Variants in DPP6 observed in about 807,000 individuals in gnomAD.
DPP6 encodes A-type potassium channel modulatory protein DPP6.
A neutral mutation model predicts 122.6 loss-of-function variants in DPP6; 69 were observed. The ratio of observed to expected loss-of-function variants is 0.56; its 90% CI spans 0.46 to 0.69. The LOEUF (loss-of-function observed/expected upper bound fraction) is 0.69. DPP6 is among the 30% of genes least tolerant of loss of function. The pLI is 0.00. For synonymous variants in DPP6, 418 were observed against 433.1 expected (o/e 0.97, Z 0.43); for missense variants, 928 against 1,116.9 (o/e 0.83, Z 2.41).
At chr7:154,354,397 T>C (rs912744609) in intron 1 of DPP6, among the ~76,000 whole-genome samples, 4 of 151,532 alleles carry the variant, frequency 2.6e-5, no homozygotes, top group Non-Finnish European at 5.9e-5. Context: ...ATTTTATTGA[T>C]GAGATATTAG....
intron 1 of DPP6, among the ~76,000 whole-genome samples, chr7:154,431,500 TCTTTTCTTTC>T (rs1203773825): frequency 1.7e-5 from 2 of 115,500 alleles, no homozygotes; most frequent in Non-Finnish European, 3.5e-5. Flanking sequence ...TCTTTTCTTT[TCTTTTCTTTC>T]TTTTATTATT....
At chr7:154,032,673 ATATT>A (rs1303366085) in intron 1 of DPP6, among the ~76,000 whole-genome samples, 4 of 152,150 alleles carry the variant, frequency 2.6e-5, no homozygotes, top group African/African-American at 9.7e-5. Context: ...TTTATCTTAT[ATATT>A]TAAACAGAAG....
At chr7:154,588,024 C>A in intron 5 of DPP6, 1 of 1,612,800 alleles carries the variant, frequency 6.2e-7, no homozygotes, top group Non-Finnish European at 8.5e-7. Flanking sequence ...CGCATCTGCT[C>A]ACCCCGGGGA....
intron 1 of DPP6, among the ~76,000 whole-genome samples, chr7:153,975,434 G>C (rs1796251886): frequency 6.7e-6 from 1 of 148,868 alleles, no homozygotes; most frequent in Non-Finnish European, 1.5e-5. Flanking sequence ...TTTCAGGAAA[G>C]TGGGGATCAT....
intron 3 of DPP6, among the ~76,000 whole-genome samples, chr7:154,539,554 C>T (rs546133450): frequency 1.5e-4 from 23 of 151,508 alleles, no homozygotes; most frequent in African/African-American, 5.6e-4. Flanking sequence ...ATGGGTGCAG[C>T]ACACCAACAT....
intron 1 of DPP6, among the ~76,000 whole-genome samples, chr7:153,962,044 G>C (rs1795380685): frequency 6.7e-6 from 1 of 148,806 alleles, no homozygotes; most frequent in African/African-American, 2.5e-5. Context: ...GAGGAGAGCA[G>C]AGCTGGGGGG....
chr7:154,830,367 T>TG (rs1020205706), intron 16 of DPP6, among the ~76,000 whole-genome samples: 5 of 152,086 alleles, frequency 3.3e-5, no homozygotes, highest in African/African-American at 1.2e-4. Context: ...CTCGGGGGAC[T>TG]GGGGGGCCAT....
chr7:153,802,623 G>A, the DPP6 span, among the ~76,000 whole-genome samples: 3 of 152,058 alleles, frequency 2.0e-5, no homozygotes, highest in African/African-American at 2.4e-5. Context: ...AAATGCACTC[G>A]AATTTTATCT....
intron 1 of DPP6, among the ~76,000 whole-genome samples, chr7:154,103,814 G>A (rs1330372880): frequency 2.0e-5 from 3 of 152,220 alleles, no homozygotes; most frequent in Non-Finnish European, 4.4e-5. Context: ...TTGGACATCA[G>A]ACTCCCGGTT....
At chr7:154,684,407 T>C (rs116076910) in intron 7 of DPP6, among the ~76,000 whole-genome samples, 2 of 152,236 alleles carry the variant, frequency 1.3e-5, no homozygotes, top group Admixed American at 1.3e-4. Context: ...AGACTGTTAG[T>C]AAGCATTAAA....
intron 1 of DPP6, among the ~76,000 whole-genome samples, chr7:153,985,574 A>T (rs71265484): frequency 6.6e-6 from 1 of 152,228 alleles, no homozygotes; most frequent in Non-Finnish European, 1.5e-5. Flanking sequence ...GACTAAGGAA[A>T]GAAAGAGTTG....
At chr7:153,789,833 A>G in the DPP6 span, among the ~76,000 whole-genome samples, 1 of 152,184 alleles carries the variant, frequency 6.6e-6, no homozygotes, top group African/African-American at 2.4e-5. Context: ...GTTTACTTTT[A>G]AAAGGACGGG....
intron 1 of DPP6, among the ~76,000 whole-genome samples, chr7:153,953,799 A>G (rs1802331230): frequency 6.6e-6 from 1 of 152,228 alleles, no homozygotes; most frequent in Non-Finnish European, 1.5e-5. Flanking sequence ...GAAACAGGAT[A>G]GATGAGTGCA....
chr7:154,575,553 GTTTA>G (rs1218671835), intron 5 of DPP6, among the ~76,000 whole-genome samples: 41 of 132,332 alleles, frequency 3.1e-4, no homozygotes, highest in Middle Eastern at 4.7e-3. Flanking sequence ...TGTGTGGTGT[GTTTA>G]TTTGTGTGTG....
At chr7:154,444,276 T>C (rs1465536562) in intron 1 of DPP6, among the ~76,000 whole-genome samples, 1 of 150,268 alleles carries the variant, frequency 6.7e-6, no homozygotes, top group Non-Finnish European at 1.5e-5. Context: ...GCTAACATGG[T>C]GAAACCCTGT....
intron 1 of DPP6, among the ~76,000 whole-genome samples, chr7:154,097,771 C>G (rs2150563278): frequency 6.6e-6 from 1 of 152,316 alleles, no homozygotes; most frequent in African/African-American, 2.4e-5. Context: ...CTTGTGGAGG[C>G]AGCAGGGCAA....
chr7:154,685,165 C>T (rs1839522519), intron 7 of DPP6, among the ~76,000 whole-genome samples: 1 of 152,208 alleles, frequency 6.6e-6, no homozygotes, highest in Non-Finnish European at 1.5e-5. Context: ...AGCAGCTGCT[C>T]AGCTGGCCTT....
chr7:154,575,046 G>GTGTAT (rs1831458790), intron 5 of DPP6, among the ~76,000 whole-genome samples: 1 of 126,404 alleles, frequency 7.9e-6, no homozygotes, highest in African/African-American at 3.0e-5. Context: ...TGTGTGGTGT[G>GTGTAT]GTGTGTGTGG....
At chr7:154,469,980 G>GAGTC (rs1563721398) in intron 2 of DPP6, among the ~76,000 whole-genome samples, 1 of 152,184 alleles carries the variant, frequency 6.6e-6, no homozygotes, top group African/African-American at 2.4e-5. Flanking sequence ...TAATGGTACC[G>GAGTC]ACGTTGGAAA....
Sources: gnomAD v4.1 joint callset for allele counts (sites outside exome capture counted in the v4.1 genomes callset) on GRCh38, gnomAD v4.1.1 for gene constraint, MANE v1.5 for transcripts, NCBI Gene and HGNC (gene_info 2026-07-23, HGNC 2026-07-21) for gene names.